Variants in PEX14 observed in about 807,000 individuals in gnomAD.
PEX14 encodes peroxisomal biogenesis factor 14, also known as peroxisomal membrane protein PEX14.
PEX14 carries 15 observed loss-of-function variants against 49.5 expected under a neutral mutation model. The ratio of observed to expected loss-of-function variants is 0.30; its 90% CI spans 0.20 to 0.47. PEX14 has a LOEUF of 0.47. Among genes scored for constraint, PEX14 ranks in the 20% least tolerant of loss-of-function variants. PEX14 has a pLI of 1.00. For missense variants in PEX14, 398 were observed against 494.8 expected, an observed-to-expected ratio of 0.80 and a Z score of 1.86; for synonymous variants, 210 against 212.7, an observed-to-expected ratio of 0.99 and a Z score of 0.11.
At chr1:10,580,397 G>T (rs1640279855) in intron 3 of PEX14, among the ~76,000 whole-genome samples, 1 of 151,998 alleles carries the variant, frequency 6.6e-6, no homozygotes, top group Non-Finnish European at 1.5e-5. Flanking sequence ...GTTAATTTTT[G>T]TATTTTTAGT....
rs58295618 is a variant in PEX14 at position 10,568,323 on chromosome 1, T to TCCCCCC, written c.170-30905_170-30900dup. Among the ~76,000 whole-genome samples the TCCCCCC allele has an allele frequency of 4.0e-4, 48 of 118,760 alleles. 1 individual carries two copies. The highest frequency in any genetic ancestry group is 1.2e-3 in the African/African-American group (33 of 26,550). The allele number at this position is 118,760 out of a possible 152,430, so 77.9% of individuals were successfully genotyped here. ...ACACATATACACAAGTAGATACTCT[T>TCCCCCC]CCCCCCCCCCCCCCCACTCCCACTA... On this transcript the variant is annotated intron_variant, in intron 3 of 8. Coordinates refer to ENST00000356607, the MANE Select transcript of PEX14 (RefSeq NM_004565.3).
At chr1:10,489,856 A>G (rs1311179237) in intron 1 of PEX14, among the ~76,000 whole-genome samples, 1 of 152,122 alleles carries the variant, frequency 6.6e-6, no homozygotes, top group Non-Finnish European at 1.5e-5. Context: ...GGCCCAAGTA[A>G]TTTGTTTCTC....
chr1:10,561,463 ATAAGAT>A (rs1177151604), intron 3 of PEX14, among the ~76,000 whole-genome samples: 9 of 152,156 alleles, frequency 5.9e-5, no homozygotes, highest in Middle Eastern at 3.2e-3. Flanking sequence ...TTTCCTCTTG[ATAAGAT>A]TAAGATTAAA....
At chr1:10,608,111 G>A (rs1334915202) in intron 4 of PEX14, among the ~76,000 whole-genome samples, 6 of 152,178 alleles carry the variant, frequency 3.9e-5, no homozygotes, top group African/African-American at 1.4e-4. Flanking sequence ...GGGACTACAG[G>A]TGTGTGCCAC....
intron 4 of PEX14, among the ~76,000 whole-genome samples, chr1:10,601,096 T>G (rs1360280316): frequency 6.6e-6 from 1 of 152,054 alleles, no homozygotes. Flanking sequence ...ACCCTGTCTC[T>G]AATAAAAATA....
intron 8 of PEX14, 101 bp downstream of exon 8, chr1:10,627,464 G>A (rs1347872927): frequency 1.3e-5 from 11 of 835,968 alleles, no homozygotes; most frequent in Non-Finnish European, 2.3e-5. Flanking sequence ...CCACCCCCAA[G>A]GACCCCATCT....
intron 2 of PEX14, among the ~76,000 whole-genome samples, chr1:10,524,119 G>T (rs1638390463): frequency 6.6e-6 from 1 of 152,074 alleles, no homozygotes. Context: ...ACATCACTGC[G>T]TTTTTGCTTC....
intron 1 of PEX14, among the ~76,000 whole-genome samples, chr1:10,475,695 G>C (rs915338617): frequency 6.6e-6 from 1 of 152,210 alleles, no homozygotes; most frequent in Non-Finnish European, 1.5e-5. Flanking sequence ...ATAAGGACCA[G>C]CGTTGACGCC....
intron 2 of PEX14, among the ~76,000 whole-genome samples, chr1:10,508,261 C>T (rs141000462): frequency 0.014 from 2,174 of 152,086 alleles, 48 homozygotes; most frequent in African/African-American, 0.049. Flanking sequence ...GGCTGGAGTA[C>T]AGTGGTGCGA....
intron 2 of PEX14, among the ~76,000 whole-genome samples, chr1:10,497,873 T>G (rs538917073): frequency 6.6e-6 from 1 of 152,360 alleles, no homozygotes; most frequent in South Asian, 2.1e-4. Context: ...AATGCATATT[T>G]TTCATACAAT....
intron 5 of PEX14, among the ~76,000 whole-genome samples, 177 bp from the exon 6 acceptor site, chr1:10,622,842 C>T (rs540092182): frequency 3.9e-5 from 6 of 152,344 alleles, no homozygotes; most frequent in African/African-American, 7.2e-5. Context: ...AGAATTTTTA[C>T]GTGGTTGTAA....
intron 1 of PEX14, among the ~76,000 whole-genome samples, chr1:10,476,566 T>C (rs553930491): frequency 2.6e-5 from 4 of 152,290 alleles, no homozygotes; most frequent in South Asian, 4.1e-4. Context: ...ATTGGCGCAA[T>C]CTCGGCTCAC....
rs1641827745 is a variant in PEX14, at chr1:10,628,938, G to A, written c.678-593G>A. Among the ~76,000 whole-genome samples the A allele has an allele frequency of 6.6e-6, 1 of 152,224 alleles. No individual in the cohort carries two copies. The highest frequency in any genetic ancestry group is 2.4e-5 in the African/African-American group (1 of 41,452). On this transcript the variant is annotated intron_variant, in intron 8 of 8. Coordinates refer to ENST00000356607, the MANE Select transcript of PEX14 (RefSeq NM_004565.3). This position sits in a 1 kb window ranked among gnomAD's most constrained non-coding sequence, Gnocchi z 4.5. ...GCTGCTGGCCCAGGAACGGAGTACG[G>A]AGCAGAAGGGAGAGCTGCCTCTTCT...
At position 10,495,587 on chromosome 1, in the gene PEX14, T is replaced by C. The variant is rs533221883; in HGVS notation, c.84+266T>C. 6.6e-6 allele frequency among the ~76,000 whole-genome samples: 1 copy of C among 152,260 alleles called. No individual in the cohort carries two copies. Among genetic ancestry groups the C allele is most frequent in the East Asian group, 1.9e-4 (1 of 5,180 alleles). On this transcript the variant is annotated intron_variant, in intron 2 of 8. Transcript: ENST00000356607. The surrounding 1 kb of genome is among the most constrained non-coding windows in gnomAD (Gnocchi z 4.2). The stretch of plus-strand genomic sequence containing the variant: ...CACCACTTTGTTTGTGGCTGATCAA[T>C]AGTAATTAGTGAGATTCCTGCGCCC...
chr1:10,507,698 C>T (rs928292991), intron 2 of PEX14, among the ~76,000 whole-genome samples: 2 of 152,202 alleles, frequency 1.3e-5, no homozygotes, highest in African/African-American at 2.4e-5. Context: ...TGGACTCCAG[C>T]TCTTAAAGTG....
chr1:10,536,069 T>C (rs1638793602), intron 2 of PEX14, 144 bp from the exon 3 acceptor site: 1 of 694,908 alleles, frequency 1.4e-6, no homozygotes, highest in African/African-American at 1.8e-5. Context: ...AGGTAGATTT[T>C]AAGTTTAAGA....
At chr1:10,498,646 A>T (rs1358206991) in intron 2 of PEX14, among the ~76,000 whole-genome samples, 2 of 152,188 alleles carry the variant, frequency 1.3e-5, no homozygotes, top group Non-Finnish European at 2.9e-5. Context: ...AATCAAACCA[A>T]CCCAGCAACA....
intron 3 of PEX14, among the ~76,000 whole-genome samples, chr1:10,573,551 C>T (rs1432290514): frequency 6.6e-6 from 1 of 152,162 alleles, no homozygotes; most frequent in Non-Finnish European, 1.5e-5. Flanking sequence ...AGCAAGTCAC[C>T]ATTATACACA....
intron 1 of PEX14, among the ~76,000 whole-genome samples, chr1:10,475,768 G>A (rs1206489883): frequency 2.6e-5 from 4 of 152,212 alleles, no homozygotes; most frequent in African/African-American, 9.6e-5. Context: ...TAGTCCAAAG[G>A]TGGGGTAGGG....
Sources: allele counts gnomAD v4.1 joint callset (sites outside exome capture counted in the v4.1 genomes callset), GRCh38; gene constraint gnomAD v4.1.1; non-coding constraint Gnocchi (gnomAD v3.1); transcripts MANE v1.5; gene names NCBI Gene and HGNC (gene_info 2026-07-23, HGNC 2026-07-21).